RNMT: variants seen among roughly 807,000 people sequenced by gnomAD.
RNMT encodes mRNA cap guanine-N(7) methyltransferase.
In RNMT, 27 loss-of-function variants were observed where a neutral mutation model predicts 56.0. That is an observed-to-expected ratio of 0.48 (90% CI 0.36 to 0.67). The LOEUF (loss-of-function observed/expected upper bound fraction) is 0.67. Ranked by LOEUF, RNMT falls within the 30% of genes least tolerant of loss-of-function variation. The pLI is 0.00. For missense variants in RNMT, 519 were observed against 552.1 expected, an observed-to-expected ratio of 0.94 and a Z score of 0.60; for synonymous variants, 184 against 176.2, an observed-to-expected ratio of 1.04 and a Z score of -0.35.
chr18:13,728,319 TTTTTTTTTTTTTGTGTGTGTGTGTGTG>T lies in RNMT; in HGVS notation c.-172+1592_-172+1618del, dbSNP rs2044002323. On this transcript the variant is annotated intron_variant, in intron 1 of 11. Transcript: ENST00000383314. The stretch of plus-strand genomic sequence containing the variant: ...CAGCATCTTTTTTTTTTTTTTTTTT[TTTTTTTTTTTTTGTGTGTGTGTGTGTG>T]TGTGTGTGTGACGGAGCCTTGCTCT... 6.2e-5 allele frequency among the ~76,000 whole-genome samples: 3 copies of T among 48,482 alleles called. 1 individual carries two copies. The Admixed American group carries it at 7.6e-4, about 12-fold the overall frequency. The allele number at this position is 48,482 out of a possible 152,430, so 31.8% of individuals were successfully genotyped here. A position where few individuals can be genotyped will look rare whatever the true frequency, so the allele number is the denominator to read the frequency against.
In RNMT at chr18:13,763,586, A is replaced by C. The variant is rs1568520118; in HGVS notation, c.*3607A>C. 1 of 155,616 alleles carries C rather than the reference A, an allele frequency of 6.4e-6. No individual in the cohort carries two copies. Among genetic ancestry groups the C allele is most frequent in the Non-Finnish European group, 1.4e-5 (1 of 69,926 alleles). 9.6% of individuals were successfully genotyped at this position (155,616 alleles called of 1,614,324 possible). On this transcript the variant is annotated 3_prime_UTR_variant, in exon 12 of 12. Transcript: ENST00000383314. ...GCTAATGTTTATTAGCCTCCTACCTAAGTCAGTCACTTTGCTAAATTCTTC... is the reference window on the plus strand; with the variant it reads ...GCTAATGTTTATTAGCCTCCTACCTCAGTCAGTCACTTTGCTAAATTCTTC...
At chr18:13,757,539 T>C (rs1425344380) in intron 11 of RNMT, among the ~76,000 whole-genome samples, 5 of 152,200 alleles carry the variant, frequency 3.3e-5, no homozygotes, top group Non-Finnish European at 1.5e-5. Flanking sequence ...AAGAAGCAGC[T>C]CTTCATTTGT....
rs1330283582 is a variant in RNMT, at chr18:13,728,437, G to A, written c.-172+1708G>A. On this transcript the variant is annotated intron_variant, in intron 1 of 11. Coordinates refer to ENST00000383314, the MANE Select transcript of RNMT (RefSeq NM_003799.3). The stretch of plus-strand genomic sequence containing the variant: ...TGCAACCTCCACCTCCCGGGTTCAA[G>A]CGATTCTCATGCCTCAGCCTCCCGA... 2.0e-5 allele frequency among the ~76,000 whole-genome samples: 3 copies of A among 149,990 alleles called. No homozygotes were observed. In the East Asian group the frequency reaches 5.8e-4, roughly 29 times the overall value.
At chr18:13,737,995 A>G (rs1246118441) in intron 5 of RNMT, among the ~76,000 whole-genome samples, 1 of 151,960 alleles carries the variant, frequency 6.6e-6, no homozygotes, top group Non-Finnish European at 1.5e-5. Context: ...AGTCGATAGT[A>G]ACGCAATGAA....
intron 7 of RNMT, 130 bp from the exon 8 acceptor site, chr18:13,742,358 G>T: frequency 6.8e-6 from 5 of 731,444 alleles, no homozygotes; most frequent in Non-Finnish European, 1.1e-5. Flanking sequence ...AAAAAAGGTA[G>T]CCCAGATATA....
rs554159794 is a variant in RNMT, at chr18:13,737,045, C to T, written c.589C>T (p.Arg197Cys). 20 of 1,612,520 alleles carry T rather than the reference C, an allele frequency of 1.2e-5. No individual in the cohort carries two copies. Among genetic ancestry groups the T allele is most frequent in the Non-Finnish European group, 1.5e-5 (18 of 1,179,212 alleles). ...FLEKVRQKKK[R>C]DITVLDLGCG... ...GGAAAAGGTACGACAGAAGAAAAAA[C>T]GTGATATCACTGTTTTGGACCTGGG... Residue 197 changes from arginine (R) to cysteine (C), a missense_variant, in exon 5 of 12, where the codon CGT (arginine) becomes TGT (cysteine). Transcript: ENST00000383314.
In RNMT at chr18:13,741,506, T is replaced by G; in HGVS notation, c.793-4T>G. 1 of 1,607,376 alleles carries G rather than the reference T, an allele frequency of 6.2e-7. No individual in the cohort carries two copies. Among genetic ancestry groups the G allele is most frequent in the Non-Finnish European group, 8.5e-7 (1 of 1,176,440 alleles). On this transcript the variant is annotated splice_region_variant and splice_polypyrimidine_tract_variant and intron_variant, in intron 6 of 11. Coordinates refer to ENST00000383314, the MANE Select transcript of RNMT (RefSeq NM_003799.3). ...CAATCTTAACTCATTTTAATTTGTTTCAGGAACTTCTGATTGACAAATTTC... is the reference window on the plus strand; with the variant it reads ...CAATCTTAACTCATTTTAATTTGTTGCAGGAACTTCTGATTGACAAATTTC...
At chr18:13,735,085 T>G (rs1304259629) in intron 4 of RNMT, among the ~76,000 whole-genome samples, 2 of 152,156 alleles carry the variant, frequency 1.3e-5, no homozygotes, top group African/African-American at 4.8e-5. Context: ...AATACAATTC[T>G]TGTCGGCACC....
rs558866210 is a variant in RNMT at position 13,728,846 on chromosome 18, A to G, written c.-171-1781A>G. Among the ~76,000 whole-genome samples the G allele has an allele frequency of 9.3e-5, 14 of 151,344 alleles. No individual in the cohort carries two copies. In the East Asian group the frequency reaches 2.5e-3, roughly 27 times the overall value. On this transcript the variant is annotated intron_variant, in intron 1 of 11. Transcript: ENST00000383314. ...GTAGGATTGCTTCTTTTTTTTTGCT[A>G]TTGAGTTGAGTTTCTTCTGTATTCC...
intron 6 of RNMT, among the ~76,000 whole-genome samples, chr18:13,740,905 A>G (rs1013040719): frequency 6.6e-6 from 1 of 152,110 alleles, no homozygotes; most frequent in Admixed American, 6.5e-5. Context: ...TCACCTTGTA[A>G]TTTATTAGTT....
intron 9 of RNMT, among the ~76,000 whole-genome samples, chr18:13,748,178 G>C (rs1196801736): frequency 6.6e-6 from 1 of 152,204 alleles, no homozygotes; most frequent in Non-Finnish European, 1.5e-5. Context: ...AGAGAAACCA[G>C]AGTGCACAGG....
At chr18:13,733,874 A>G (rs79748762) in intron 3 of RNMT, among the ~76,000 whole-genome samples, 1,771 of 152,326 alleles carry the variant, frequency 0.012, 39 homozygotes, top group African/African-American at 0.041. Context: ...TGCAGATGAA[A>G]TATCACAATG....
intron 11 of RNMT, 119 bp from the exon 12 acceptor site, chr18:13,759,823 T>A (rs2044597714): frequency 1.3e-6 from 1 of 784,780 alleles, no homozygotes; most frequent in Non-Finnish European, 2.1e-6. Flanking sequence ...TTAATGGGGA[T>A]TTTCCTCTTC....
intron 3 of RNMT, among the ~76,000 whole-genome samples, chr18:13,733,482 A>T (rs552715094): frequency 6.6e-6 from 1 of 152,016 alleles, no homozygotes; most frequent in South Asian, 2.1e-4. Context: ...GGTTCAAGCG[A>T]TTCTCCTGCC....
intron 11 of RNMT, among the ~76,000 whole-genome samples, chr18:13,757,291 A>G (rs2044559175): frequency 1.3e-5 from 2 of 152,120 alleles, no homozygotes; most frequent in Admixed American, 6.5e-5. Flanking sequence ...AGTTAAGACA[A>G]TGAAGTTTGC....
rs2044601146 is a variant in RNMT, at chr18:13,760,071, G to T, written c.*92G>T. On this transcript the variant is annotated 3_prime_UTR_variant, in exon 12 of 12. Coordinates refer to ENST00000383314, the MANE Select transcript of RNMT (RefSeq NM_003799.3). ...TATATTTGATATTTCTCTGTCTGTT[G>T]ATTTTAATTCTAAATGTGCAGGATG... is the stretch of plus-strand genomic sequence containing the variant. The T allele has an allele frequency of 3.9e-6, 6 of 1,530,702 alleles. No individual in the cohort carries two copies. In the East Asian group the frequency reaches 9.4e-5, roughly 24 times the overall value. 94.8% of individuals were successfully genotyped at this position (1,530,702 alleles called of 1,614,324 possible). A position where few individuals can be genotyped will look rare whatever the true frequency, so the allele number is the denominator to read the frequency against.
Position 13,760,514 on chromosome 18 carries a change from C to G in RNMT, c.*535C>G. The G allele has an allele frequency of 1.0e-6, 1 of 985,346 alleles. No homozygotes were observed. Among genetic ancestry groups the G allele is most frequent in the Non-Finnish European group, 1.2e-6 (1 of 829,486 alleles). 61.0% of individuals were successfully genotyped at this position (985,346 alleles called of 1,614,324 possible). ...TCAGATGCTCATAAAAGTTACTTAG[C>G]TAAAATTTTAGCAATTTATTGCATT... On this transcript the variant is annotated 3_prime_UTR_variant, in exon 12 of 12. Coordinates refer to ENST00000383314, the MANE Select transcript of RNMT (RefSeq NM_003799.3).
At chr18:13,746,196 C>A in intron 8 of RNMT, 24 bp from the exon 9 acceptor site, 1 of 1,219,326 alleles carries the variant, frequency 8.2e-7, no homozygotes, top group Non-Finnish European at 1.2e-6. Context: ...GAAGCTTTTT[C>A]ATTAAGTATT....
chr18:13,750,753 A>G (rs2149101539), intron 9 of RNMT, among the ~76,000 whole-genome samples: 1 of 151,936 alleles, frequency 6.6e-6, no homozygotes, highest in East Asian at 1.9e-4. Context: ...GTGAATGGAG[A>G]TCCTGCCACT....
Sources: allele counts gnomAD v4.1 joint callset (sites outside exome capture counted in the v4.1 genomes callset), GRCh38; gene constraint gnomAD v4.1.1; transcripts MANE v1.5; gene names NCBI Gene and HGNC (gene_info 2026-07-23, HGNC 2026-07-21).